NKAIN3: variants seen among roughly 807,000 people sequenced by gnomAD.
NKAIN3 encodes the protein sodium/potassium-transporting ATPase subunit beta-1-interacting protein 3.
In NKAIN3, 25 loss-of-function variants were observed where a neutral mutation model predicts 30.2. The observed-to-expected ratio is 0.83, with a 90% CI of 0.60 to 1.16. NKAIN3 has a LOEUF of 1.16. NKAIN3 is among the 50% of genes most tolerant of loss of function. The pLI, the probability that NKAIN3 is intolerant of heterozygous loss-of-function variation, is 0.00. For missense variants in NKAIN3, 225 were observed against 254.1 expected (o/e 0.89, Z 0.78); for synonymous variants, 91 against 89.6 (o/e 1.02, Z -0.09).
chr8:62,671,838 G>T (rs569631156), intron 3 of NKAIN3, among the ~76,000 whole-genome samples: 27 of 152,118 alleles, frequency 1.8e-4, no homozygotes, highest in African/African-American at 6.5e-4. Flanking sequence ...GACTTCAGCA[G>T]TCCCAGGTGT....
chr8:62,432,146 A>T (rs943071724), intron 1 of NKAIN3, among the ~76,000 whole-genome samples: 5 of 152,086 alleles, frequency 3.3e-5, no homozygotes, highest in Admixed American at 3.3e-4. Context: ...TAATCTATAA[A>T]AATGCACAAA....
chr8:62,791,945 A>T (rs1052595972), intron 4 of NKAIN3, among the ~76,000 whole-genome samples: 16 of 152,154 alleles, frequency 1.1e-4, no homozygotes, highest in Non-Finnish European at 2.2e-4. Flanking sequence ...GTACAACCTG[A>T]TGTTTTGATA....
At chr8:62,585,965 A>C (rs1446822307) in intron 2 of NKAIN3, among the ~76,000 whole-genome samples, 1 of 152,190 alleles carries the variant, frequency 6.6e-6, no homozygotes, top group African/African-American at 2.4e-5. Flanking sequence ...CATGGGTGAT[A>C]ATTTAATCAA....
intron 3 of NKAIN3, among the ~76,000 whole-genome samples, chr8:62,594,777 T>TTTCC (rs747649909): frequency 2.6e-4 from 39 of 151,896 alleles, no homozygotes; most frequent in South Asian, 4.2e-4. Context: ...CTTTCTTTCT[T>TTTCC]TTCCTTCCTT....
chr8:62,992,064 G>A (rs1201779955), intron 5 of NKAIN3, among the ~76,000 whole-genome samples: 4 of 151,436 alleles, frequency 2.6e-5, no homozygotes, highest in Admixed American at 1.3e-4. Context: ...TGTCGTCCAG[G>A]CTGCAGTGCA....
downstream of NKAIN3, among the ~76,000 whole-genome samples, chr8:62,986,401 C>T (rs180786660): frequency 2.5e-3 from 382 of 152,272 alleles, 3 homozygotes; most frequent in African/African-American, 8.7e-3. Flanking sequence ...TTGCAGTCCT[C>T]CTCTCCAGCC....
intron 1 of NKAIN3, among the ~76,000 whole-genome samples, chr8:62,478,763 G>A (rs1190981734): frequency 2.6e-5 from 4 of 152,180 alleles, no homozygotes; most frequent in Admixed American, 1.3e-4. Flanking sequence ...CAGGGATGGA[G>A]TCAGGGTTAG....
intron 3 of NKAIN3, among the ~76,000 whole-genome samples, chr8:62,666,235 A>G (rs1010545067): frequency 1.4e-5 from 2 of 145,612 alleles, no homozygotes; most frequent in Non-Finnish European, 3.0e-5. Context: ...TAATTAATTA[A>G]TTCATTCATT....
At chr8:62,462,370 A>G (rs555137922) in intron 1 of NKAIN3, among the ~76,000 whole-genome samples, 253 of 152,266 alleles carry the variant, frequency 1.7e-3, no homozygotes, top group African/African-American at 5.8e-3. Flanking sequence ...ATAATTCACA[A>G]TGCACCGATT....
chr8:62,432,801 G>A (rs1272462490), intron 1 of NKAIN3, among the ~76,000 whole-genome samples: 1 of 151,998 alleles, frequency 6.6e-6, no homozygotes, highest in Admixed American at 6.6e-5. Flanking sequence ...CTTGGTATTG[G>A]ACACTTCATT....
In NKAIN3 at chr8:62,369,031, A is replaced by G. The variant is rs571233200; in HGVS notation, c.54+119904A>G. ...GCTCCTGGAATCATGTAAGGTAGCA[A>G]TTGAGCCCTTTGCACTCTTCATTTC... On this transcript the variant is annotated intron_variant, in intron 1 of 6. Coordinates refer to ENST00000623646, the MANE Select transcript of NKAIN3 (RefSeq NM_001304533.3). 5.9e-5 allele frequency among the ~76,000 whole-genome samples: 9 copies of G among 152,200 alleles called. No individual in the cohort carries two copies. In the South Asian group the frequency reaches 8.3e-4, roughly 14 times the overall value.
At chr8:62,635,012 C>T (rs1004971463) in intron 3 of NKAIN3, among the ~76,000 whole-genome samples, 1 of 151,994 alleles carries the variant, frequency 6.6e-6, no homozygotes, top group Non-Finnish European at 1.5e-5. Context: ...CAAGAGAGAA[C>T]CTGGGGATTC....
intron 3 of NKAIN3, among the ~76,000 whole-genome samples, chr8:62,628,748 G>T (rs916709171): frequency 4.6e-5 from 7 of 152,036 alleles, no homozygotes; most frequent in African/African-American, 1.7e-4. Flanking sequence ...AGTTCTTATA[G>T]ATTTCTCATG....
At position 62,881,360 on chromosome 8, in the gene NKAIN3, A is replaced by G. The variant is rs537850492; in HGVS notation, c.472-37093A>G. ...TACTCATATTTTTGCCTTTTCCAGA[A>G]TGTTATGTAGCTGAAATCAGTAAGT... On this transcript the variant is annotated intron_variant, in intron 4 of 6. Transcript: ENST00000623646. Among the ~76,000 whole-genome samples, 6 of 152,290 alleles carry G rather than the reference A, an allele frequency of 3.9e-5. No homozygotes were observed. The South Asian group carries it at 1.2e-3, about 32-fold the overall frequency.
At chr8:62,790,098 A>G (rs147398157) in intron 4 of NKAIN3, among the ~76,000 whole-genome samples, 1,553 of 152,270 alleles carry the variant, frequency 0.01, 27 homozygotes, top group African/African-American at 0.034. Flanking sequence ...GCAACGCAGC[A>G]AAAAGCTTAT....
chr8:62,695,059 T>C (rs983305358), intron 3 of NKAIN3, among the ~76,000 whole-genome samples: 4 of 152,226 alleles, frequency 2.6e-5, no homozygotes, highest in African/African-American at 9.6e-5. Flanking sequence ...GCGGATTTCA[T>C]ATTGCCTTCT....
chr8:62,886,461 CTCTT>C (rs1270770607), intron 4 of NKAIN3, among the ~76,000 whole-genome samples: 5 of 152,130 alleles, frequency 3.3e-5, no homozygotes, highest in East Asian at 1.9e-4. Flanking sequence ...TTCTCTGATG[CTCTT>C]TCTTTCTTTA....
intron 3 of NKAIN3, among the ~76,000 whole-genome samples, chr8:62,655,760 GA>G (rs1812744671): frequency 6.6e-6 from 1 of 152,028 alleles, no homozygotes. Context: ...TACAGGTTTG[GA>G]ATTCAGGAAG....
chr8:62,599,658 G>A (rs1810933748), intron 3 of NKAIN3, among the ~76,000 whole-genome samples: 1 of 152,040 alleles, frequency 6.6e-6, no homozygotes, highest in African/African-American at 2.4e-5. Context: ...GTAGGACTGA[G>A]TGACTCGTTT....
Sources: gnomAD v4.1 joint callset for allele counts (sites outside exome capture counted in the v4.1 genomes callset) on GRCh38, gnomAD v4.1.1 for gene constraint, MANE v1.5 for transcripts, NCBI Gene and HGNC (gene_info 2026-07-23, HGNC 2026-07-21) for gene names.